The following RAPH1 variants were observed in gnomAD, a reference collection of about 807,000 sequenced individuals.
RAPH1 encodes the protein Ras association (RalGDS/AF-6) and pleckstrin homology domains 1.
Under a neutral mutation model 88.1 loss-of-function variants are expected in RAPH1, and 18 were observed. The observed-to-expected ratio is 0.20, with a 90% CI of 0.14 to 0.30. The LOEUF is 0.30. Ranked by LOEUF, RAPH1 falls within the 10% of genes least tolerant of loss-of-function variation. The pLI is 1.00. For synonymous variants in RAPH1, 587 were observed against 559.0 expected (o/e 1.05, Z -0.71); for missense variants, 1,448 against 1,543.2 (o/e 0.94, Z 1.03).
chr2:203,522,275 T>A (rs1581407532), intron 1 of RAPH1, among the ~76,000 whole-genome samples: 1 of 152,238 alleles, frequency 6.6e-6, no homozygotes, highest in Admixed American at 6.5e-5. Context: ...AAAATCTCCA[T>A]ACCAAATCTC....
chr2:203,508,097 G>A (rs373428202), intron 1 of RAPH1, among the ~76,000 whole-genome samples: 1 of 151,560 alleles, frequency 6.6e-6, no homozygotes, highest in African/African-American at 2.4e-5. Context: ...GTGGGTGCCT[G>A]TAGTCCCAGC....
intron 2 of RAPH1, among the ~76,000 whole-genome samples, chr2:203,493,738 C>T (rs569364702): frequency 6.6e-5 from 10 of 151,880 alleles, no homozygotes; most frequent in East Asian, 3.9e-4. Flanking sequence ...TTTGAGAGGC[C>T]GAGGCAGGTG....
At chr2:203,498,540 G>A (rs1196021200) in intron 1 of RAPH1, among the ~76,000 whole-genome samples, 3 of 152,128 alleles carry the variant, frequency 2.0e-5, no homozygotes, top group African/African-American at 7.2e-5. Context: ...TTGGAGAAGG[G>A]CTTAGAGGAC....
chr2:203,464,365 G>A (rs754433255), intron 4 of RAPH1, among the ~76,000 whole-genome samples: 6 of 152,102 alleles, frequency 3.9e-5, no homozygotes, highest in African/African-American at 7.2e-5. Flanking sequence ...TCCACCTCCC[G>A]GGTTCAAGCG....
chr2:203,442,865 A>C (rs1043048060), intron 13 of RAPH1: 1 of 152,228 alleles, frequency 6.6e-6, no homozygotes, highest in African/African-American at 2.4e-5. Context: ...ATGCACACGG[A>C]TCTCACCATT....
At chr2:203,530,487 C>T (rs1690341258) in intron 1 of RAPH1, among the ~76,000 whole-genome samples, 1 of 152,098 alleles carries the variant, frequency 6.6e-6, no homozygotes, top group Non-Finnish European at 1.5e-5. Flanking sequence ...TACACTGATC[C>T]AAATGTTTTA....
rs966391247 is a variant in RAPH1 at position 203,439,223 on chromosome 2, C to G, written c.*214G>C. 3.8e-5 allele frequency: 20 copies of G among 521,434 alleles called. No homozygotes were observed. Among genetic ancestry groups the G allele is most frequent in the Non-Finnish European group, 6.8e-5 (20 of 293,526 alleles). 32.3% of individuals were successfully genotyped at this position (521,434 alleles called of 1,614,324 possible). The stretch of plus-strand genomic sequence containing the variant: ...AATAGAATAACTCTCAGCTCTCTCT[C>G]TATATACACATACACATACATATAT... On this transcript the variant is annotated 3_prime_UTR_variant, in exon 14 of 14. Transcript: ENST00000319170.
At position 203,484,001 on chromosome 2, in the gene RAPH1, A is replaced by G. The variant is rs370758621; in HGVS notation, c.732+5583T>C. On this transcript the variant is annotated intron_variant, in intron 4 of 13. Transcript: ENST00000319170. ...ATCCTAGGGTCTCCAGCTTGCAGAC[A>G]GCCTGTCACATGACTTCTCAGCCTT... 1.1e-3 allele frequency among the ~76,000 whole-genome samples: 162 copies of G among 152,290 alleles called. 1 individual carries two copies. Among genetic ancestry groups the G allele is most frequent in the African/African-American group, 3.8e-3 (157 of 41,544 alleles).
At chr2:203,451,468 TA>T (rs916246560) in intron 10 of RAPH1, among the ~76,000 whole-genome samples, 12 of 152,192 alleles carry the variant, frequency 7.9e-5, no homozygotes, top group Non-Finnish European at 1.6e-4. Flanking sequence ...ACTGCCTTAT[TA>T]AAATGTGCCC....
At chr2:203,467,092 G>A (rs996817434) in intron 4 of RAPH1, among the ~76,000 whole-genome samples, 14 of 152,166 alleles carry the variant, frequency 9.2e-5, no homozygotes, top group African/African-American at 3.4e-4. Flanking sequence ...AACTTGGAAA[G>A]ATATAAACAG....
At chr2:203,461,800 A>G (rs746586629) in intron 5 of RAPH1, 48 bp downstream of exon 5, 85 of 1,461,042 alleles carry the variant, frequency 5.8e-5, no homozygotes, top group Non-Finnish European at 7.5e-5. Context: ...TCACAAATCC[A>G]AAAAACTGAT....
chr2:203,512,120 CAAA>C (rs1272341047), intron 1 of RAPH1, among the ~76,000 whole-genome samples: 1 of 148,358 alleles, frequency 6.7e-6, no homozygotes, highest in African/African-American at 2.5e-5. Flanking sequence ...CCAAAAAAAA[CAAA>C]AAAGAATTAA....
intron 8 of RAPH1, among the ~76,000 whole-genome samples, chr2:203,456,173 A>G (rs373975151): frequency 2.0e-5 from 3 of 152,338 alleles, no homozygotes; most frequent in South Asian, 4.1e-4. Context: ...CTTTTAACTA[A>G]AACACTGTTT....
intron 4 of RAPH1, among the ~76,000 whole-genome samples, chr2:203,468,409 A>G (rs2098530348): frequency 6.6e-6 from 1 of 152,052 alleles, no homozygotes; most frequent in Non-Finnish European, 1.5e-5. Context: ...ATGTACATGG[A>G]ACACTCCCTT....
At position 203,495,317 on chromosome 2, in the gene RAPH1, C is replaced by T. The variant is rs201179919; in HGVS notation, c.37G>A (p.Ala13Thr). Residue 13 changes from alanine (A) to threonine (T), a missense_variant, in exon 2 of 14, where the codon GCT (alanine) becomes ACT (threonine). Physicochemically the swap from Ala to Thr is moderately conservative, Grantham distance 58 (BLOSUM62 0). Coordinates refer to ENST00000319170, the MANE Select transcript of RAPH1 (RefSeq NM_213589.3). ...QLSDEEIDHG[A>T]EEDSDKEDQD... ...TCTTCCTTGTCACTGTCTTCTTCAG[C>T]ACCATGATCAATTTCTTCATCTGAT... 2 of 1,613,966 alleles carry T rather than the reference C, an allele frequency of 1.2e-6. No individual in the cohort carries two copies. The highest frequency in any genetic ancestry group is 1.7e-6 in the Non-Finnish European group (2 of 1,179,908).
At chr2:203,490,565 A>G (rs1688215178) in intron 3 of RAPH1, among the ~76,000 whole-genome samples, 1 of 152,256 alleles carries the variant, frequency 6.6e-6, no homozygotes, top group African/African-American at 2.4e-5. Flanking sequence ...TTTAAAAATT[A>G]CTAAGAAGTA....
intron 7 of RAPH1, 147 bp downstream of exon 7, chr2:203,459,760 C>CAGT (rs756198907): frequency 5.7e-6 from 4 of 701,398 alleles, no homozygotes; most frequent in African/African-American, 5.6e-5. Flanking sequence ...GCAGCAGCAG[C>CAGT]AGTAGTAGAT....
At chr2:203,443,872 C>T (rs1000843021) in intron 13 of RAPH1, 4 of 152,052 alleles carry the variant, frequency 2.6e-5, no homozygotes, top group Non-Finnish European at 2.9e-5. Context: ...CCCAACTACT[C>T]AGGCAACTAC....
Position 203,490,488 on chromosome 2 carries a change from A to G in RAPH1, c.227-399T>C, listed in dbSNP as rs77197045. Among the ~76,000 whole-genome samples, 731 of 152,362 alleles carry G rather than the reference A, an allele frequency of 4.8e-3. 2 individuals are homozygous for G. Among genetic ancestry groups the G allele is most frequent in the Non-Finnish European group, 7.6e-3 (519 of 68,028 alleles). On this transcript the variant is annotated intron_variant, in intron 3 of 13. Coordinates refer to ENST00000319170, the MANE Select transcript of RAPH1 (RefSeq NM_213589.3). ...AGAAGTCAAAAGTCTAAAAAATTAC[A>G]GACTGACAGGTCAATATTATAAACT...
Sources: gnomAD v4.1 joint callset for allele counts (sites outside exome capture counted in the v4.1 genomes callset) on GRCh38, gnomAD v4.1.1 for gene constraint, MANE v1.5 for transcripts, NCBI Gene and HGNC (gene_info 2026-07-23, HGNC 2026-07-21) for gene names.